Variants in SPATA17 observed in about 807,000 individuals in gnomAD.
The protein encoded by SPATA17 is spermatogenesis associated 17, also known as spermatogenesis-associated protein 17.
Under a neutral mutation model 62.2 loss-of-function variants are expected in SPATA17, and 53 were observed. The ratio of observed to expected loss-of-function variants is 0.85; its 90% CI spans 0.68 to 1.07. SPATA17 has a LOEUF of 1.07. SPATA17 is among the 50% of genes least tolerant of loss of function. The pLI is 0.00. For missense variants in SPATA17, 466 were observed against 425.5 expected (o/e 1.10, Z -0.84); for synonymous variants, 146 against 146.8 (o/e 0.99, Z 0.04).
chr1:217,793,885 G>T (rs955794027), intron 8 of SPATA17, among the ~76,000 whole-genome samples: 3 of 152,036 alleles, frequency 2.0e-5, no homozygotes, highest in African/African-American at 7.2e-5. Context: ...GAAGGCCGCG[G>T]TTGGCAGATC....
At chr1:217,840,800 A>G (rs1161305050) in intron 9 of SPATA17, among the ~76,000 whole-genome samples, 1 of 152,102 alleles carries the variant, frequency 6.6e-6, no homozygotes, top group Non-Finnish European at 1.5e-5. Flanking sequence ...TTAAGGCTTC[A>G]GTGAGCTGTG....
At chr1:217,850,624 A>T in intron 9 of SPATA17, 2 of 1,593,116 alleles carry the variant, frequency 1.3e-6, no homozygotes, top group Non-Finnish European at 1.7e-6. Flanking sequence ...GTCTTCACGA[A>T]GATCTGCATT....
At chr1:217,651,680 T>A (rs1368718348) in intron 3 of SPATA17, among the ~76,000 whole-genome samples, 3 of 152,222 alleles carry the variant, frequency 2.0e-5, no homozygotes, top group Admixed American at 6.5e-5. Context: ...TTTAAATAAT[T>A]TAATAAATGA....
chr1:217,754,292 T>C (rs925754056), intron 6 of SPATA17, among the ~76,000 whole-genome samples: 15 of 152,300 alleles, frequency 9.8e-5, no homozygotes, highest in Admixed American at 3.3e-4. Context: ...TTAATTACAA[T>C]CAATTCTGTC....
intron 7 of SPATA17, among the ~76,000 whole-genome samples, chr1:217,774,879 T>G (rs568469831): frequency 1.3e-5 from 2 of 152,320 alleles, no homozygotes; most frequent in Admixed American, 6.5e-5. Flanking sequence ...ACATACCACA[T>G]TTTGTTTATC....
At chr1:217,661,274 T>C (rs1276583437) in intron 3 of SPATA17, among the ~76,000 whole-genome samples, 1 of 151,914 alleles carries the variant, frequency 6.6e-6, no homozygotes, top group African/African-American at 2.4e-5. Flanking sequence ...AACAGTGATG[T>C]TATATCACAG....
chr1:217,847,046 T>C (rs1292776805), intron 9 of SPATA17, among the ~76,000 whole-genome samples: 3 of 152,068 alleles, frequency 2.0e-5, no homozygotes, highest in African/African-American at 7.2e-5. Context: ...TGAATTTCAC[T>C]TTATTCAAGA....
At chr1:217,827,697 C>A (rs555795480) in intron 9 of SPATA17, among the ~76,000 whole-genome samples, 17 of 152,246 alleles carry the variant, frequency 1.1e-4, no homozygotes, top group African/African-American at 4.1e-4. Flanking sequence ...GAATACCATG[C>A]AGCCATAAAA....
At chr1:217,738,549 A>T (rs927013748) in intron 5 of SPATA17, among the ~76,000 whole-genome samples, 66 of 152,366 alleles carry the variant, frequency 4.3e-4, no homozygotes, top group African/African-American at 1.5e-3. Context: ...AATGGAAAAG[A>T]TACTAATATT....
intron 9 of SPATA17, among the ~76,000 whole-genome samples, chr1:217,858,580 CT>C (rs1411661845): frequency 6.6e-6 from 1 of 152,086 alleles, no homozygotes; most frequent in Non-Finnish European, 1.5e-5. Context: ...TTTTTGGAAG[CT>C]TATTTATTAT....
chr1:217,812,375 C>A (rs1674610944), intron 9 of SPATA17, among the ~76,000 whole-genome samples: 1 of 151,778 alleles, frequency 6.6e-6, no homozygotes, highest in Non-Finnish European at 1.5e-5. Flanking sequence ...TCAAAGTCAG[C>A]AAATTTAGAG....
chr1:217,647,709 C>A (rs1162442807), intron 1 of SPATA17, among the ~76,000 whole-genome samples: 1 of 151,456 alleles, frequency 6.6e-6, no homozygotes, highest in African/African-American at 2.4e-5. Flanking sequence ...TCACTTTAGT[C>A]AAGCCTCTTT....
At position 217,771,999 on chromosome 1, in the gene SPATA17, A is replaced by C. The variant is rs180724890; in HGVS notation, c.520-2335A>C. 2.4e-3 allele frequency among the ~76,000 whole-genome samples: 369 copies of C among 152,300 alleles called. 2 individuals carry two copies. Among genetic ancestry groups the C allele is most frequent in the Middle Eastern group, 0.017 (5 of 294 alleles). On this transcript the variant is annotated intron_variant, in intron 6 of 10. Transcript: ENST00000366933. The stretch of plus-strand genomic sequence containing the variant: ...AAGGTTGTAGCAATGTTCATAAAAA[A>C]CTAACAGACTTCAGTTTATTAGATC...
At chr1:217,765,367 T>A (rs1384518651) in intron 6 of SPATA17, among the ~76,000 whole-genome samples, 1 of 151,810 alleles carries the variant, frequency 6.6e-6, no homozygotes, top group African/African-American at 2.4e-5. Flanking sequence ...CTTAGATTAT[T>A]GATTTTATAT....
chr1:217,858,801 G>A (rs904059561), intron 9 of SPATA17, among the ~76,000 whole-genome samples: 53 of 152,102 alleles, frequency 3.5e-4, no homozygotes, highest in African/African-American at 1.1e-3. Context: ...AGGCCAAGGC[G>A]GGTGGATCAC....
At chr1:217,640,161 A>T (rs1265105181) in intron 1 of SPATA17, among the ~76,000 whole-genome samples, 1 of 151,704 alleles carries the variant, frequency 6.6e-6, no homozygotes, top group Non-Finnish European at 1.5e-5. Context: ...ATTGTGTGAG[A>T]TAGAGGCCTA....
chr1:217,767,748 G>A (rs779318743), intron 6 of SPATA17, among the ~76,000 whole-genome samples: 1 of 152,096 alleles, frequency 6.6e-6, no homozygotes, highest in Non-Finnish European at 1.5e-5. Flanking sequence ...CTTGCATGCT[G>A]TGTACTTTAT....
Position 217,870,795 on chromosome 1 carries a change from TA to T in SPATA17, c.*3778del, listed in dbSNP as rs528099166. On this transcript the variant is annotated 3_prime_UTR_variant, in exon 11 of 11. Coordinates refer to ENST00000366933, the MANE Select transcript of SPATA17 (RefSeq NM_138796.4). ...ACCAGCTTTGCTGTAGTTAATCAGG[TA>T]ATACCTTTCTTCTCCACTACTCTCT... 3.0e-4 allele frequency: 46 copies of T among 152,312 alleles called. No individual in the cohort carries two copies. Among genetic ancestry groups the T allele is most frequent in the Admixed American group, 2.7e-3 (42 of 15,292 alleles). 9.4% of individuals were successfully genotyped at this position (152,312 alleles called of 1,614,324 possible).
At chr1:217,684,532 A>G (rs1232290193) in intron 5 of SPATA17, among the ~76,000 whole-genome samples, 1 of 151,978 alleles carries the variant, frequency 6.6e-6, no homozygotes, top group South Asian at 2.1e-4. Flanking sequence ...CTTGTGCCTC[A>G]GCCTCTCGAG....
Sources: allele counts gnomAD v4.1 joint callset (sites outside exome capture counted in the v4.1 genomes callset), GRCh38; gene constraint gnomAD v4.1.1; transcripts MANE v1.5; gene names NCBI Gene and HGNC (gene_info 2026-07-23, HGNC 2026-07-21).